The following EXT2 variants were observed in gnomAD, a reference collection of about 807,000 sequenced individuals.
The protein encoded by EXT2 is exostosin-2.
EXT2 carries 53 observed loss-of-function variants against 81.6 expected under a neutral mutation model. The observed-to-expected ratio is 0.65, with a 90% confidence interval of 0.52 to 0.82. The LOEUF (loss-of-function observed/expected upper bound fraction) is 0.82. Ranked by LOEUF, EXT2 falls within the 40% of genes least tolerant of loss-of-function variation. The pLI, the probability that EXT2 is intolerant of heterozygous loss-of-function variation, is 0.00. For missense variants in EXT2, 774 were observed against 910.2 expected (o/e 0.85, Z 1.93); for synonymous variants, 320 against 340.0 (o/e 0.94, Z 0.65).
intron 7 of EXT2, among the ~76,000 whole-genome samples, chr11:44,148,701 C>T (rs2135076354): frequency 6.6e-6 from 1 of 152,284 alleles, no homozygotes; most frequent in East Asian, 1.9e-4. Context: ...TGAGCACCTG[C>T]TTTGTTCGGG....
rs886048278 is a variant in EXT2, at chr11:44,244,380, G to A, written c.*93G>A. On this transcript the variant is annotated 3_prime_UTR_variant, in exon 14 of 14. Transcript: ENST00000533608. ...TCTGATGTCAGAGTAGTAGGTTAAG[G>A]GTGGAAGGTTGACCTACTTGGATCT... The A allele has an allele frequency of 4.2e-6, 6 of 1,439,062 alleles. No individual in the cohort carries two copies. The highest frequency in any genetic ancestry group is 5.9e-6 in the Non-Finnish European group (6 of 1,024,758). The allele number at this position is 1,439,062 out of a possible 1,614,324, so 89.1% of individuals were successfully genotyped here.
intron 10 of EXT2, among the ~76,000 whole-genome samples, chr11:44,215,270 T>C (rs536122634): frequency 1.3e-5 from 2 of 152,352 alleles, no homozygotes; most frequent in South Asian, 2.1e-4. Flanking sequence ...ATTGCTGCCT[T>C]AGGTGCATTT....
intron 1 of EXT2, 105 bp downstream of exon 1, chr11:44,095,957 G>T (rs887521497): frequency 1.7e-4 from 73 of 421,624 alleles, no homozygotes; most frequent in Non-Finnish European, 2.8e-4. Context: ...GAGCGCGGCC[G>T]CGCGGAGGCT....
intron 7 of EXT2, among the ~76,000 whole-genome samples, chr11:44,136,925 A>G (rs549353805): frequency 2.0e-5 from 3 of 152,180 alleles, no homozygotes; most frequent in Admixed American, 6.5e-5. Flanking sequence ...TCTTTGGCCA[A>G]TGGGAGAGCC....
At chr11:44,167,096 C>G (rs1006844729) in intron 7 of EXT2, among the ~76,000 whole-genome samples, 4 of 152,186 alleles carry the variant, frequency 2.6e-5, no homozygotes, top group African/African-American at 9.7e-5. Flanking sequence ...TGCCAATTCT[C>G]TATCCAAGAG....
chr11:44,142,288 C>T (rs1005200669), intron 7 of EXT2, among the ~76,000 whole-genome samples: 1 of 152,154 alleles, frequency 6.6e-6, no homozygotes, highest in Non-Finnish European at 1.5e-5. Flanking sequence ...CACAATTCAT[C>T]TTATAATTCT....
chr11:44,122,989 A>G (rs1482685765), intron 4 of EXT2, among the ~76,000 whole-genome samples: 2 of 152,088 alleles, frequency 1.3e-5, no homozygotes, highest in Admixed American at 1.3e-4. Flanking sequence ...CTTAATTGTG[A>G]TGTGTTAAGT....
intron 1 of EXT2, among the ~76,000 whole-genome samples, chr11:44,098,973 A>G (rs370812567): frequency 6.6e-6 from 1 of 152,150 alleles, no homozygotes; most frequent in Admixed American, 6.5e-5. Context: ...TCGTTCAACA[A>G]ATATTTATGT....
chr11:44,102,536 T>C (rs1171494718), intron 1 of EXT2, among the ~76,000 whole-genome samples: 53 of 45,716 alleles, frequency 1.2e-3, no homozygotes, highest in African/African-American at 2.9e-3. Context: ...GTCTCTCTCT[T>C]TTTTTTTTTT....
chr11:44,099,614 G>A (rs142643766), intron 1 of EXT2, among the ~76,000 whole-genome samples: 190 of 152,318 alleles, frequency 1.2e-3, no homozygotes, highest in African/African-American at 2.8e-3. Context: ...GAGCCACTGC[G>A]TCTGGCTTAA....
intron 7 of EXT2, among the ~76,000 whole-genome samples, chr11:44,167,882 T>G (rs187190730): frequency 6.6e-6 from 1 of 152,096 alleles, no homozygotes; most frequent in African/African-American, 2.4e-5. Flanking sequence ...GTTACATATG[T>G]ATACGTGTGC....
At chr11:44,097,473 C>T (rs1248488282) in intron 1 of EXT2, among the ~76,000 whole-genome samples, 2 of 152,010 alleles carry the variant, frequency 1.3e-5, no homozygotes, top group Non-Finnish European at 2.9e-5. Flanking sequence ...CCCAGGAGTT[C>T]AGCTGTAAGG....
chr11:44,130,676 T>C (rs1325532628), intron 7 of EXT2, among the ~76,000 whole-genome samples: 4 of 152,212 alleles, frequency 2.6e-5, no homozygotes, highest in African/African-American at 9.6e-5. Flanking sequence ...CATACTCCAC[T>C]TGATGTCCCA....
intron 1 of EXT2, among the ~76,000 whole-genome samples, chr11:44,106,233 G>A (rs1954052085): frequency 6.6e-6 from 1 of 152,182 alleles, no homozygotes; most frequent in Non-Finnish European, 1.5e-5. Flanking sequence ...TTCAGGGATG[G>A]AAAGAACTGT....
intron 5 of EXT2, among the ~76,000 whole-genome samples, chr11:44,125,302 C>T (rs1461466160): frequency 1.3e-5 from 2 of 152,172 alleles, no homozygotes; most frequent in African/African-American, 4.8e-5. Context: ...GCTTTTACCC[C>T]CATATTCATA....
At chr11:44,148,941 T>C (rs1954756743) in intron 7 of EXT2, among the ~76,000 whole-genome samples, 1 of 152,190 alleles carries the variant, frequency 6.6e-6, no homozygotes, top group Non-Finnish European at 1.5e-5. Context: ...GGTAAATACA[T>C]TTTTTTGGGA....
chr11:44,177,730 T>TC (rs1955178780), intron 8 of EXT2, among the ~76,000 whole-genome samples: 1 of 151,938 alleles, frequency 6.6e-6, no homozygotes, highest in Non-Finnish European at 1.5e-5. Flanking sequence ...TGGTTTTTTT[T>TC]CCAAGTTTGC....
intron 8 of EXT2, among the ~76,000 whole-genome samples, chr11:44,186,198 C>T (rs1955308833): frequency 6.6e-6 from 1 of 152,052 alleles, no homozygotes; most frequent in Non-Finnish European, 1.5e-5. Context: ...AATTATAAAC[C>T]AATAAAATCA....
chr11:44,133,230 T>C (rs1954519124), intron 7 of EXT2, among the ~76,000 whole-genome samples: 1 of 152,254 alleles, frequency 6.6e-6, no homozygotes, highest in South Asian at 2.1e-4. Context: ...TTCTTGTCAT[T>C]TTGCTTTCTG....
Sources: gnomAD v4.1 joint callset for allele counts (sites outside exome capture counted in the v4.1 genomes callset) on GRCh38, gnomAD v4.1.1 for gene constraint, MANE v1.5 for transcripts, NCBI Gene and HGNC (gene_info 2026-07-23, HGNC 2026-07-21) for gene names.